Variants in PTPRU observed in about 807,000 individuals in gnomAD.
PTPRU encodes protein tyrosine phosphatase receptor type U.
In PTPRU, 69 loss-of-function variants were observed where a neutral mutation model predicts 166.3. The ratio of observed to expected loss-of-function variants is 0.41; its 90% CI spans 0.34 to 0.51. PTPRU has a LOEUF of 0.51. PTPRU is among the 20% of genes least tolerant of loss of function. PTPRU has a pLI of 0.09. For synonymous variants in PTPRU, 793 were observed against 814.0 expected (o/e 0.97, Z 0.44); for missense variants, 1,657 against 2,013.7 (o/e 0.82, Z 3.39).
Position 29,303,913 on chromosome 1 carries a change from G to C in PTPRU, c.2535G>C (p.Arg845Ser), listed in dbSNP as rs756140634. ...EASSLLGGSPRRPCGRKGSPY... is the reference protein window; with the variant it reads ...EASSLLGGSPSRPCGRKGSPY... ...GCAGCCTCCTGGGGGGCTCCCCGAGGCGTCCCTGTGGCCGGAAGGGCTCCC... is the reference window on the plus strand; with the variant it reads ...GCAGCCTCCTGGGGGGCTCCCCGAGCCGTCCCTGTGGCCGGAAGGGCTCCC... The change falls in exon 16 of 30, where the codon AGG (arginine) becomes AGC (serine). Residue 845 changes from arginine (R) to serine (S), a missense_variant. Physicochemically the swap from Arg to Ser is moderately radical, Grantham distance 110 (BLOSUM62 -1). Transcript: ENST00000373779. 1.9e-6 allele frequency: 3 copies of C among 1,613,866 alleles called. No homozygotes were observed. Among genetic ancestry groups the C allele is most frequent in the Admixed American group, 3.3e-5 (2 of 60,022 alleles).
rs547306795 is a variant in PTPRU, at chr1:29,283,874, G to A, written c.2143-66G>A. The A allele has an allele frequency of 1.4e-5, 22 of 1,576,076 alleles. No homozygotes were observed. In the African/African-American group the frequency reaches 2.7e-4, roughly 19 times the overall value. On this transcript the variant is annotated intron_variant, in intron 12 of 29. Coordinates refer to ENST00000373779, the MANE Select transcript of PTPRU (RefSeq NM_133178.4). ...ACAGGCCCAAGAAACGCTGTCTGAG[G>A]TTCCCACCCTGGGGAGGGAGAGGTC...
Position 29,280,769 on chromosome 1 carries a change from A to G in PTPRU, c.1868+628A>G, listed in dbSNP as rs1214084993. On this transcript the variant is annotated intron_variant, in intron 11 of 29. Transcript: ENST00000373779. This position sits in a 1 kb window ranked among gnomAD's most constrained non-coding sequence, Gnocchi z 4.2. ...TGTGAGAGGCGTATATGGGAGACAT[A>G]AGTGTGCATGTGTGTGAGAGTGTGA... Among the ~76,000 whole-genome samples the G allele has an allele frequency of 6.6e-6, 1 of 151,770 alleles. No homozygotes were observed. The highest frequency in any genetic ancestry group is 1.5e-5 in the Non-Finnish European group (1 of 67,932).
At chr1:29,297,262 C>T (rs1296655379) in intron 15 of PTPRU, among the ~76,000 whole-genome samples, 3 of 151,840 alleles carry the variant, frequency 2.0e-5, no homozygotes, top group African/African-American at 7.3e-5. Flanking sequence ...ACTATGTTGG[C>T]CAGGCTGGTC....
intron 4 of PTPRU, 23 bp downstream of exon 4, chr1:29,259,365 C>G: frequency 6.2e-7 from 1 of 1,612,468 alleles, no homozygotes; most frequent in Non-Finnish European, 8.5e-7. Flanking sequence ...CCACTGGGGG[C>G]GCAGGGGTAA....
chr1:29,269,222 ATATATAT>A (rs1685434127), intron 7 of PTPRU, among the ~76,000 whole-genome samples: 1 of 39,256 alleles, frequency 2.5e-5, no homozygotes, highest in African/African-American at 1.0e-4. Flanking sequence ...TTATATACAT[ATATATAT>A]ATATATATAT....
chr1:29,253,085 C>T (rs553047694), intron 1 of PTPRU, among the ~76,000 whole-genome samples: 1 of 152,304 alleles, frequency 6.6e-6, no homozygotes, highest in African/African-American at 2.4e-5. Flanking sequence ...CTCAGGGAAA[C>T]ACATTAACTG....
chr1:29,279,124 G>A lies in PTPRU; in HGVS notation c.1563+3G>A. 6.4e-7 allele frequency: 1 copy of A among 1,562,848 alleles called. No individual in the cohort carries two copies. Among genetic ancestry groups the A allele is most frequent in the Non-Finnish European group, 8.7e-7 (1 of 1,152,462 alleles). On this transcript the variant is annotated splice_donor_region_variant and intron_variant, in intron 9 of 29. Coordinates refer to ENST00000373779, the MANE Select transcript of PTPRU (RefSeq NM_133178.4). This position sits in a 1 kb window ranked among gnomAD's most constrained non-coding sequence, Gnocchi z 5.2. ...ATGGTCTCATCACCCAGTATGAGGT[G>A]GGTTTGGGACCCTATTACAGTGGGG...
At chr1:29,254,638 T>TA (rs931673076) in intron 1 of PTPRU, among the ~76,000 whole-genome samples, 2 of 152,354 alleles carry the variant, frequency 1.3e-5, no homozygotes, top group South Asian at 4.1e-4. Flanking sequence ...GCTCTGTACT[T>TA]ACGCCATTTA....
In PTPRU at chr1:29,315,900, C is replaced by T. The variant is rs1687880589; in HGVS notation, c.3364-102C>T. Reference sequence around the variant, plus strand: ...CTGTAGTAACATGGTTGGCCTCCACCTCAGGACACCCTGCTTCAACCTTGA... The same window carrying T: ...CTGTAGTAACATGGTTGGCCTCCACTTCAGGACACCCTGCTTCAACCTTGA... On this transcript the variant is annotated intron_variant, in intron 23 of 29. Transcript: ENST00000373779. The surrounding 1 kb of genome is among the most constrained non-coding windows in gnomAD (Gnocchi z 4.5). 4.9e-6 allele frequency: 7 copies of T among 1,434,262 alleles called. No individual in the cohort carries two copies. The South Asian group carries it at 5.4e-5, about 11-fold the overall frequency. 88.8% of individuals were successfully genotyped at this position (1,434,262 alleles called of 1,614,324 possible).
Position 29,317,986 on chromosome 1 carries a change from GGGCCACGGGAACA to G in PTPRU, c.3687+66_3687+78del. ...CCCAGCAGCATCAGGGAAGGTCCAG[GGGCCACGGGAACA>G]AAGCTGAAGGCTCTGTTGGGGGGAC... On this transcript the variant is annotated intron_variant, in intron 25 of 29. Coordinates refer to ENST00000373779, the MANE Select transcript of PTPRU (RefSeq NM_133178.4). The surrounding 1 kb of genome is among the most constrained non-coding windows in gnomAD (Gnocchi z 5.6). 6.4e-7 allele frequency: 1 copy of G among 1,572,182 alleles called. No individual in the cohort carries two copies.
chr1:29,246,932 T>C (rs1056426766), intron 1 of PTPRU, among the ~76,000 whole-genome samples: 3 of 152,172 alleles, frequency 2.0e-5, no homozygotes, highest in Non-Finnish European at 2.9e-5. Context: ...AGCATCTTAA[T>C]TGTACTCCAT....
rs1430336502 is a variant in PTPRU, at chr1:29,271,166, A to AT, written c.1145-4278dup. 1.3e-5 allele frequency among the ~76,000 whole-genome samples: 2 copies of AT among 152,178 alleles called. No homozygotes were observed. The highest frequency in any genetic ancestry group is 3.9e-4 in the East Asian group (2 of 5,192). On this transcript the variant is annotated intron_variant, in intron 7 of 29. Coordinates refer to ENST00000373779, the MANE Select transcript of PTPRU (RefSeq NM_133178.4). This position sits in a 1 kb window ranked among gnomAD's most constrained non-coding sequence, Gnocchi z 4.4. Reference sequence around the variant, plus strand: ...TGTTATCCTCATTGTTTTAATGTGCATTTTGACCTCTGATCTCGGAGTGAC... The same window carrying AT: ...TGTTATCCTCATTGTTTTAATGTGCATTTTTGACCTCTGATCTCGGAGTGAC...
rs545537182 is a variant in PTPRU at position 29,305,261 on chromosome 1, G to A, written c.2744-91G>A. 1.1e-4 allele frequency: 144 copies of A among 1,282,978 alleles called. No individual in the cohort carries two copies. The South Asian group carries it at 1.7e-3, about 15-fold the overall frequency. 79.5% of individuals were successfully genotyped at this position (1,282,978 alleles called of 1,614,324 possible). On this transcript the variant is annotated intron_variant, in intron 17 of 29. Transcript: ENST00000373779. ...TAGGTTCCCTGGCTGCCCTGCCTGT[G>A]CCCTATCCCCTAGCCTCCAGGAATC...
intron 15 of PTPRU, among the ~76,000 whole-genome samples, chr1:29,295,951 G>A (rs1425831626): frequency 6.6e-6 from 1 of 151,930 alleles, no homozygotes; most frequent in Non-Finnish European, 1.5e-5. Flanking sequence ...TTGGCCTCTC[G>A]AAGTGCTGAG....
chr1:29,277,310 AGGCT>A (rs906532663), intron 8 of PTPRU, among the ~76,000 whole-genome samples: 21 of 152,244 alleles, frequency 1.4e-4, no homozygotes, highest in Admixed American at 1.2e-3. Flanking sequence ...CATGTTGGCC[AGGCT>A]GGTCTCGAAC....
At chr1:29,261,003 T>A in intron 7 of PTPRU, 100 bp downstream of exon 7, 1 of 1,282,296 alleles carries the variant, frequency 7.8e-7, no homozygotes, top group East Asian at 2.9e-5. Context: ...TAAACCTTTC[T>A]AAAACATTGT....
At chr1:29,310,675 G>T (rs1163402979) in intron 18 of PTPRU, 69 bp from the exon 19 acceptor site, 1 of 1,497,298 alleles carries the variant, frequency 6.7e-7, no homozygotes, top group Non-Finnish European at 9.3e-7. Flanking sequence ...GGAGGGGAGG[G>T]TAGAGGAGGT....
At chr1:29,242,669 C>G (rs1684109071) in intron 1 of PTPRU, among the ~76,000 whole-genome samples, 2 of 152,194 alleles carry the variant, frequency 1.3e-5, no homozygotes, top group South Asian at 4.1e-4. Flanking sequence ...TCAGAAAGTT[C>G]TGCAGACAGC....
chr1:29,277,251 C>T (rs529952528), intron 8 of PTPRU, among the ~76,000 whole-genome samples: 4 of 152,286 alleles, frequency 2.6e-5, no homozygotes, highest in African/African-American at 9.6e-5. Context: ...CAGGTGCCCG[C>T]CACCACGCCT....
Sources: allele counts gnomAD v4.1 joint callset (sites outside exome capture counted in the v4.1 genomes callset), GRCh38; gene constraint gnomAD v4.1.1; non-coding constraint Gnocchi (gnomAD v3.1); transcripts MANE v1.5; gene names NCBI Gene and HGNC (gene_info 2026-07-23, HGNC 2026-07-21).